AKAP19: variants seen among roughly 807,000 people sequenced by gnomAD.
AKAP19 encodes the protein A-kinase anchoring protein 19.
chr2:190,179,823 T>C, the AKAP19 span, among the ~76,000 whole-genome samples: 731 of 152,312 alleles, frequency 4.8e-3, 6 homozygotes, highest in African/African-American at 0.017. This position sits in a 1 kb window ranked among gnomAD's most constrained non-coding sequence, Gnocchi z 6.0. Flanking sequence ...ATCACTAAGG[T>C]CCCTTCAAGC....
chr2:190,009,506 G>GA, the AKAP19 span, among the ~76,000 whole-genome samples: 1 of 152,194 alleles, frequency 6.6e-6, no homozygotes, highest in African/African-American at 2.4e-5. Flanking sequence ...TAAGCAACTA[G>GA]AAAAAATGGA....
chr2:189,929,151 C>CT, the AKAP19 span, among the ~76,000 whole-genome samples: 1 of 152,066 alleles, frequency 6.6e-6, no homozygotes, highest in East Asian at 1.9e-4. Context: ...TTTGCTTCTA[C>CT]TTGCTTCATT....
chr2:189,962,513 G>C, the AKAP19 span, among the ~76,000 whole-genome samples: 1 of 152,056 alleles, frequency 6.6e-6, no homozygotes, highest in Non-Finnish European at 1.5e-5. Context: ...GAAAAAACAA[G>C]AACTATTACT....
At chr2:189,917,026 G>GGC in the AKAP19 span, among the ~76,000 whole-genome samples, 1 of 151,964 alleles carries the variant, frequency 6.6e-6, no homozygotes, top group African/African-American at 2.4e-5. Context: ...TACTAAATGT[G>GGC]GCAGGGTTCA....
At chr2:189,983,230 T>C in the AKAP19 span, among the ~76,000 whole-genome samples, 2 of 152,154 alleles carry the variant, frequency 1.3e-5, no homozygotes, top group African/African-American at 4.8e-5. Context: ...CTTTGGATCC[T>C]GGCCACAGTG....
the AKAP19 span, among the ~76,000 whole-genome samples, chr2:189,973,838 A>G: frequency 3.3e-5 from 5 of 152,118 alleles, no homozygotes; most frequent in East Asian, 9.7e-4. Flanking sequence ...TATCCCCTTT[A>G]TCATTTTTTA....
the AKAP19 span, among the ~76,000 whole-genome samples, chr2:189,930,007 C>T: frequency 1.3e-5 from 2 of 152,144 alleles, no homozygotes; most frequent in Non-Finnish European, 2.9e-5. Flanking sequence ...TTCCTATGTA[C>T]TGGAGCAATA....
chr2:189,933,791 T>A, the AKAP19 span, among the ~76,000 whole-genome samples: 1 of 152,134 alleles, frequency 6.6e-6, no homozygotes, highest in Non-Finnish European at 1.5e-5. Flanking sequence ...TGCTTAACTC[T>A]CTTTAGGCTT....
chr2:189,978,019 C>G, the AKAP19 span, among the ~76,000 whole-genome samples: 1 of 152,204 alleles, frequency 6.6e-6, no homozygotes, highest in Non-Finnish European at 1.5e-5. Flanking sequence ...TAATCATAGC[C>G]TGATTTAAGT....
At chr2:189,970,596 A>C in the AKAP19 span, among the ~76,000 whole-genome samples, 7 of 152,208 alleles carry the variant, frequency 4.6e-5, no homozygotes, top group African/African-American at 1.7e-4. Flanking sequence ...GTAATAGTCC[A>C]TGGTAATTTC....
chr2:190,192,585 A>G, the AKAP19 span, among the ~76,000 whole-genome samples: 2 of 151,968 alleles, frequency 1.3e-5, no homozygotes, highest in South Asian at 2.1e-4. Flanking sequence ...AGCCTGCTGG[A>G]ATTTTGCCGA....
the AKAP19 span, among the ~76,000 whole-genome samples, chr2:190,144,475 T>A: frequency 6.6e-6 from 1 of 152,152 alleles, no homozygotes; most frequent in African/African-American, 2.4e-5. Flanking sequence ...AATATAAAAA[T>A]ATGTTAAAAA....
the AKAP19 span, among the ~76,000 whole-genome samples, chr2:190,127,808 C>G: frequency 0.088 from 13,427 of 152,132 alleles, 828 homozygotes; most frequent in Non-Finnish European, 0.13. Flanking sequence ...TGGCCTTAAA[C>G]AGTGTTTCCC....
chr2:190,006,638 C>CA, the AKAP19 span, among the ~76,000 whole-genome samples: 2,349 of 113,838 alleles, frequency 0.021, 104 homozygotes, highest in African/African-American at 0.071. Flanking sequence ...GACTCTGTCT[C>CA]AAAAAAAAAA....
At chr2:190,103,892 CAA>C in the AKAP19 span, among the ~76,000 whole-genome samples, 6 of 151,860 alleles carry the variant, frequency 4.0e-5, no homozygotes, top group Admixed American at 2.6e-4. Flanking sequence ...TAAGCAAAAA[CAA>C]AAACAAAAAG....
the AKAP19 span, among the ~76,000 whole-genome samples, chr2:190,086,826 C>T: frequency 6.6e-6 from 1 of 152,188 alleles, no homozygotes; most frequent in East Asian, 1.9e-4. Context: ...CACCACTTTT[C>T]CCACTTTATG....
chr2:189,985,144 T>C, the AKAP19 span, among the ~76,000 whole-genome samples: 2 of 152,186 alleles, frequency 1.3e-5, no homozygotes, highest in Admixed American at 1.3e-4. Context: ...GGGCTCCAAG[T>C]TCTTTGGGGT....
At chr2:190,060,362 A>G in the AKAP19 span, 1 of 1,611,814 alleles carries the variant, frequency 6.2e-7, no homozygotes, top group South Asian at 1.1e-5. Flanking sequence ...TTACTACTTT[A>G]TTGTATTGTA....
At chr2:190,108,055 G>A in the AKAP19 span, among the ~76,000 whole-genome samples, 1 of 152,106 alleles carries the variant, frequency 6.6e-6, no homozygotes, top group Non-Finnish European at 1.5e-5. Context: ...TTAAGAAGTT[G>A]TCCAAATTTT....
Sources: allele counts gnomAD v4.1 joint callset (sites outside exome capture counted in the v4.1 genomes callset), GRCh38; gene constraint gnomAD v4.1.1; non-coding constraint Gnocchi (gnomAD v3.1); transcripts MANE v1.5; gene names NCBI Gene and HGNC (gene_info 2026-07-23, HGNC 2026-07-21).